Variants in HEATR4 observed in about 807,000 individuals in gnomAD.
HEATR4 encodes HEAT repeat-containing protein 4.
In HEATR4, 95 loss-of-function variants were observed where a neutral mutation model predicts 108.8. The ratio of observed to expected loss-of-function variants is 0.87; its 90% CI spans 0.74 to 1.04. The LOEUF is 1.04. Ranked by LOEUF, HEATR4 falls within the 50% of genes least tolerant of loss-of-function variation. The pLI is 0.00. For synonymous variants in HEATR4, 443 were observed against 459.4 expected (o/e 0.96, Z 0.46); for missense variants, 1,152 against 1,253.8 (o/e 0.92, Z 1.23).
chr14:73,540,661 G>C (rs1037479734), intron 1 of HEATR4, among the ~76,000 whole-genome samples: 1 of 120,178 alleles, frequency 8.3e-6, no homozygotes, highest in African/African-American at 2.9e-5. Flanking sequence ...AAAGGGCACA[G>C]GGGTCTGTGG....
chr14:73,590,001 T>C, the HEATR4 span, among the ~76,000 whole-genome samples: 73 of 152,182 alleles, frequency 4.8e-4, no homozygotes, highest in African/African-American at 1.7e-3. Context: ...TCGCAATGAG[T>C]GTTACAGCTC....
chr14:73,492,325 G>A lies in HEATR4; in HGVS notation c.2844+741C>T. ...GGGGTGACTTCTTAGAGGCCATACT[G>A]CCTCTGGCAGTGCAGGCTGCAATGG... On this transcript the variant is annotated intron_variant, in intron 17 of 17. Coordinates refer to ENST00000553558, the MANE Select transcript of HEATR4 (RefSeq NM_001220484.1). This position sits in a 1 kb window ranked among gnomAD's most constrained non-coding sequence, Gnocchi z 4.9. The A allele has an allele frequency of 6.2e-7, 1 of 1,614,016 alleles. No individual in the cohort carries two copies. Among genetic ancestry groups the A allele is most frequent in the Non-Finnish European group, 8.5e-7 (1 of 1,179,880 alleles).
At chr14:73,530,449 G>A (rs1206715287) in intron 1 of HEATR4, 1 of 130,130 alleles carries the variant, frequency 7.7e-6, no homozygotes, top group Non-Finnish European at 1.7e-5. Context: ...GGGAGAGTGG[G>A]ATTAGGGAAC....
chr14:73,485,278 C>T (rs192681996), intron 17 of HEATR4, among the ~76,000 whole-genome samples: 1 of 151,998 alleles, frequency 6.6e-6, no homozygotes, highest in East Asian at 1.9e-4. Context: ...TTTTTTAACA[C>T]GTTATAGACA....
Position 73,495,399 on chromosome 14 carries a change from C to T in HEATR4, c.2626-12G>A. 1.2e-6 allele frequency: 2 copies of T among 1,606,350 alleles called. No individual in the cohort carries two copies. Among genetic ancestry groups the T allele is most frequent in the Non-Finnish European group, 1.7e-6 (2 of 1,175,884 alleles). On this transcript the variant is annotated splice_polypyrimidine_tract_variant and intron_variant, in intron 15 of 17. Transcript: ENST00000553558. ...CTTAGTGTTTTAATCTAAATTAGAA[C>T]AAATAATGTTTGAAAAACAAAACAA...
chr14:73,582,869 G>A, the HEATR4 span: 1 of 152,114 alleles, frequency 6.6e-6, no homozygotes, highest in Non-Finnish European at 1.5e-5. Flanking sequence ...CATTCTGCAT[G>A]TAACTTCCAA....
chr14:73,561,605 G>T (rs1163255859), upstream of HEATR4, among the ~76,000 whole-genome samples: 3 of 151,322 alleles, frequency 2.0e-5, no homozygotes, highest in African/African-American at 4.9e-5. Context: ...GAAATCACTT[G>T]AACCCAGGAG....
At chr14:73,490,850 A>T in intron 17 of HEATR4, 1 of 640,728 alleles carries the variant, frequency 1.6e-6, no homozygotes, top group Non-Finnish European at 2.3e-6. Context: ...CCAAACATTT[A>T]ATGAAAGAGA....
the HEATR4 span, chr14:73,592,399 C>A: frequency 2.0e-6 from 3 of 1,537,096 alleles, 1 homozygote; most frequent in Middle Eastern, 3.6e-4. Context: ...GTGCGCGCCA[C>A]GCTCTTCCTG....
chr14:73,583,511 T>C, the HEATR4 span, among the ~76,000 whole-genome samples: 2 of 149,688 alleles, frequency 1.3e-5, no homozygotes, highest in East Asian at 4.0e-4. Flanking sequence ...GGAGAGGGCT[T>C]TTCTCCCTCA....
the HEATR4 span, chr14:73,592,459 G>A: frequency 6.9e-7 from 1 of 1,457,970 alleles, no homozygotes; most frequent in Non-Finnish European, 9.0e-7. Context: ...TCAGTGGCCT[G>A]AGTCTCCGTT....
chr14:73,593,998 T>C, the HEATR4 span: 1 of 1,186,686 alleles, frequency 8.4e-7, no homozygotes, highest in Non-Finnish European at 1.2e-6. Context: ...GCTCTGTTCC[T>C]CTTTCACAAA....
chr14:73,592,656 C>T, the HEATR4 span, among the ~76,000 whole-genome samples: 1 of 152,138 alleles, frequency 6.6e-6, no homozygotes, highest in Admixed American at 6.5e-5. Flanking sequence ...AGTTTGAGAC[C>T]AGACTGGCCA....
At chr14:73,615,676 T>C in the HEATR4 span, among the ~76,000 whole-genome samples, 1 of 151,934 alleles carries the variant, frequency 6.6e-6, no homozygotes, top group Non-Finnish European at 1.5e-5. Context: ...GAGGTTGCAG[T>C]GAGCCGAGAT....
chr14:73,581,977 A>G, the HEATR4 span: 1 of 78,994 alleles, frequency 1.3e-5, no homozygotes, highest in East Asian at 3.5e-4. Flanking sequence ...TTCTTTGCAC[A>G]TGCTGAAGCT....
chr14:73,632,522 C>T, the HEATR4 span, among the ~76,000 whole-genome samples: 4 of 151,894 alleles, frequency 2.6e-5, no homozygotes, highest in Non-Finnish European at 5.9e-5. Flanking sequence ...GGGTTCAAGG[C>T]CTTTTCTCTC....
Position 73,554,820 on chromosome 14 carries a change from C to T in HEATR4, c.-152+3931G>A, listed in dbSNP as rs1244624080. Among the ~76,000 whole-genome samples, 2 of 113,006 alleles carry T rather than the reference C, an allele frequency of 1.8e-5. 1 individual carries two copies. The highest frequency in any genetic ancestry group is 3.9e-5 in the Non-Finnish European group (2 of 51,698). The allele number at this position is 113,006 out of a possible 152,430, so 74.1% of individuals were successfully genotyped here. ...ATTTGATAGACTGTTTTCAGAAAAC[C>T]CTTATCAACAAGTGTACAATACTTA... On this transcript the variant is annotated intron_variant, in intron 1 of 17. Coordinates refer to ENST00000553558, the MANE Select transcript of HEATR4 (RefSeq NM_001220484.1).
At chr14:73,579,465 C>T in the HEATR4 span, among the ~76,000 whole-genome samples, 1 of 150,064 alleles carries the variant, frequency 6.7e-6, no homozygotes, top group Non-Finnish European at 1.5e-5. Context: ...ATCCCAGCTA[C>T]TCGGGAGGCT....
the HEATR4 span, among the ~76,000 whole-genome samples, chr14:73,597,638 G>C: frequency 7.3e-6 from 1 of 137,796 alleles, no homozygotes; most frequent in Non-Finnish European, 1.5e-5. Flanking sequence ...CTGTAGCCCA[G>C]GCTGGAGTGC....
Sources: gnomAD v4.1 joint callset for allele counts (sites outside exome capture counted in the v4.1 genomes callset) on GRCh38, gnomAD v4.1.1 for gene constraint, Gnocchi (gnomAD v3.1) non-coding constraint, MANE v1.5 for transcripts, NCBI Gene and HGNC (gene_info 2026-07-23, HGNC 2026-07-21) for gene names.